The following SEC16A variants were observed in gnomAD, a reference collection of about 807,000 sequenced individuals.
SEC16A encodes the protein protein transport protein Sec16A.
A neutral mutation model predicts 221.9 loss-of-function variants in SEC16A; 110 were observed. That is an observed-to-expected ratio of 0.50 (90% CI 0.42 to 0.58). SEC16A has a LOEUF of 0.58. Among genes scored for constraint, SEC16A ranks in the 20% least tolerant of loss-of-function variants. The pLI is 0.00. For synonymous variants in SEC16A, 1,393 were observed against 1,257.7 expected (o/e 1.11, Z -2.28); for missense variants, 3,165 against 3,097.8 (o/e 1.02, Z -0.52).
At position 136,466,839 on chromosome 9, in the gene SEC16A, G is replaced by T; in HGVS notation, c.3929+118C>A. 7 of 1,272,406 alleles carry T rather than the reference G, an allele frequency of 5.5e-6. No homozygotes were observed. Among genetic ancestry groups the T allele is most frequent in the Non-Finnish European group, 7.5e-6 (7 of 936,882 alleles). 78.8% of individuals were successfully genotyped at this position (1,272,406 alleles called of 1,614,324 possible). ...CTTTCAGACAGGGACCAAAACATCA[G>T]GCAGATGCTCACCCAAACTACCACA... On this transcript the variant is annotated intron_variant, in intron 6 of 31. Coordinates refer to ENST00000684901, the MANE Select transcript of SEC16A (RefSeq NM_014866.2). The surrounding 1 kb of genome is among the most constrained non-coding windows in gnomAD (Gnocchi z 5.5).
chr9:136,453,385 A>T (rs1416506756), intron 22 of SEC16A, 43 bp downstream of exon 22: 1 of 1,490,416 alleles, frequency 6.7e-7, no homozygotes, highest in East Asian at 2.3e-5. Context: ...CACTCGATGA[A>T]CTTTATGGAA....
chr9:136,462,935 C>A lies in SEC16A; in HGVS notation c.4845G>T (p.Glu1615Asp), dbSNP rs373379592. 7 of 1,604,532 alleles carry A rather than the reference C, an allele frequency of 4.4e-6. No homozygotes were observed. The highest frequency in any genetic ancestry group is 2.7e-5 in the African/African-American group (2 of 74,952). ...GGPAAAASSL[E>D]RETERFRELL... is the part of the protein sequence containing the mutation. ...GCTCCCTGAACCTCTCGGTCTCTCT[C>A]TCGAGCGAGCTGGCGGCAGCCGCCG... Residue 1615 changes from glutamate (E) to aspartate (D), a missense_variant, in exon 12 of 32, where the codon GAG (glutamate) becomes GAT (aspartate). Glu to Asp is a conservative substitution (Grantham distance 45). Around this residue, in one of 3 missense-constraint regions of SEC16A, gnomAD observed 1,088 missense variants for 1,089.6 expected, o/e 1.00. Coordinates refer to ENST00000684901, the MANE Select transcript of SEC16A (RefSeq NM_014866.2).
At chr9:136,443,026 C>A (rs1317717785) in intron 31 of SEC16A, among the ~76,000 whole-genome samples, 1 of 152,256 alleles carries the variant, frequency 6.6e-6, no homozygotes, top group African/African-American at 2.4e-5. Flanking sequence ...GGGGGACCCA[C>A]TCCGGGGAGA....
chr9:136,467,854 C>T (rs556805652), intron 5 of SEC16A, among the ~76,000 whole-genome samples: 1 of 152,300 alleles, frequency 6.6e-6, no homozygotes, highest in East Asian at 1.9e-4. Context: ...CAGGAGTGAC[C>T]GGAGGAGGCT....
At chr9:136,484,646 G>A (rs1382764801), upstream of SEC16A, 10 of 1,365,574 alleles carry the variant, frequency 7.3e-6, no homozygotes, top group Non-Finnish European at 9.8e-6. Context: ...GCCGGCGGCT[G>A]GTGAGGGAGG....
chr9:136,475,986 C>T lies in SEC16A; in HGVS notation c.1630G>A (p.Gly544Ser). 6.2e-7 allele frequency: 1 copy of T among 1,613,474 alleles called. No individual in the cohort carries two copies. The highest frequency in any genetic ancestry group is 1.1e-5 in the South Asian group (1 of 91,082). Residue 544 changes from glycine to serine, a missense_variant, in exon 3 of 32, where the codon GGC becomes AGC. Coordinates refer to ENST00000684901, the MANE Select transcript of SEC16A (RefSeq NM_014866.2). The surrounding 1 kb of genome is among the most constrained non-coding windows in gnomAD (Gnocchi z 5.0). ...SGSARPQELV[G>S]TFIQQEVGKP... is the part of the protein sequence containing the mutation. ...CCAACTTCTTGCTGAATGAATGTGC[C>T]AACCAGCTCCTGGGGCCTGGCTGAG...
chr9:136,462,874 T>A lies in SEC16A; in HGVS notation c.4893+13A>T, dbSNP rs779776776. ...CATGTGCAGGCGCCAGGTGCCATGA[T>A]GAGGAGGCGCACCTTCTTACGGCCA... is the stretch of plus-strand genomic sequence containing the variant. On this transcript the variant is annotated intron_variant, in intron 12 of 31. Transcript: ENST00000684901. The A allele has an allele frequency of 1.3e-6, 2 of 1,597,730 alleles. No homozygotes were observed. Among genetic ancestry groups the A allele is most frequent in the Non-Finnish European group, 1.7e-6 (2 of 1,178,346 alleles).
In SEC16A at chr9:136,454,023, A is replaced by G. The variant is rs1196387536; in HGVS notation, c.6076+86T>C. 3.9e-6 allele frequency: 5 copies of G among 1,267,924 alleles called. No individual in the cohort carries two copies. In the South Asian group the frequency reaches 5.1e-5, roughly 13 times the overall value. The allele number at this position is 1,267,924 out of a possible 1,614,324, so 78.5% of individuals were successfully genotyped here. On this transcript the variant is annotated intron_variant, in intron 21 of 31. Coordinates refer to ENST00000684901, the MANE Select transcript of SEC16A (RefSeq NM_014866.2). ...AGTAATGTAAGTTGTTTCAAGCTCA[A>G]ATAACTTCAATCTCTTCCACCAATC...
intron 20 of SEC16A, among the ~76,000 whole-genome samples, chr9:136,455,038 G>C (rs1332139853): frequency 4.6e-5 from 7 of 152,208 alleles, no homozygotes; most frequent in Non-Finnish European, 1.0e-4. Context: ...AGGTGAGATG[G>C]AGAGTCTGGA....
intron 1 of SEC16A, among the ~76,000 whole-genome samples, chr9:136,482,539 T>C (rs1242336910): frequency 6.6e-6 from 1 of 152,228 alleles, no homozygotes; most frequent in Non-Finnish European, 1.5e-5. Context: ...GCTCTTTGGT[T>C]CAAATGTAAA....
At chr9:136,455,293 G>A (rs912977766) in intron 20 of SEC16A, among the ~76,000 whole-genome samples, 1 of 152,200 alleles carries the variant, frequency 6.6e-6, no homozygotes, top group Admixed American at 6.5e-5. Flanking sequence ...CGGTGCGGCT[G>A]AGGCTCCCGG....
intron 12 of SEC16A, 70 bp downstream of exon 12, chr9:136,462,817 C>G (rs1839671836): frequency 1.2e-5 from 19 of 1,546,470 alleles, no homozygotes; most frequent in Non-Finnish European, 1.7e-5. Context: ...TCCCTGAAGG[C>G]TGCAACCCCG....
intron 21 of SEC16A, 41 bp from the exon 22 acceptor site, chr9:136,453,551 G>A (rs1838172520): frequency 1.3e-6 from 2 of 1,534,676 alleles, no homozygotes; most frequent in Middle Eastern, 3.4e-4. Context: ...TCAGTCACGA[G>A]AAGGCGGGAC....
Position 136,457,478 on chromosome 9 carries a change from A to T in SEC16A, c.5516T>A (p.Leu1839Gln), listed in dbSNP as rs772756686. ...IAKSILTQPHLYSPVLISQLV... is the reference protein window; with the variant it reads ...IAKSILTQPHQYSPVLISQLV... ...CTGGCTGATCAACACCGGGGAATAC[A>T]GGTGCGGCTGCGTCAGGATGCTCTT... is the stretch of plus-strand genomic sequence containing the variant. The change falls in exon 18 of 32, where the codon CTG becomes CAG. Residue 1839 changes from leucine to glutamine, a missense_variant. Around this residue, in one of 3 missense-constraint regions of SEC16A, gnomAD observed 1,088 missense variants for 1,089.6 expected, o/e 1.00. Coordinates refer to ENST00000684901, the MANE Select transcript of SEC16A (RefSeq NM_014866.2). The T allele has an allele frequency of 1.9e-6, 3 of 1,607,838 alleles. No homozygotes were observed. Among genetic ancestry groups the T allele is most frequent in the Non-Finnish European group, 2.5e-6 (3 of 1,177,106 alleles).
In SEC16A at chr9:136,443,812, G is replaced by C; in HGVS notation, c.7005+11C>G. The C allele has an allele frequency of 6.2e-7, 1 of 1,608,382 alleles. No homozygotes were observed. The highest frequency in any genetic ancestry group is 8.5e-7 in the Non-Finnish European group (1 of 1,176,554). The stretch of plus-strand genomic sequence containing the variant: ...GTTAGGGTCTCGTAGGGAAAGGTAG[G>C]AGTCACTCACCTGTGCCAGCTGAGC... On this transcript the variant is annotated intron_variant, in intron 31 of 31. Transcript: ENST00000684901.
chr9:136,460,112 C>T lies in SEC16A; in HGVS notation c.5003G>A (p.Ser1668Asn). 1 of 1,606,008 alleles carries T rather than the reference C, an allele frequency of 6.2e-7. No homozygotes were observed. ...HARVMTRFAN[S>N]LPINDPLQTV... The stretch of plus-strand genomic sequence containing the variant: ...CTGCAGAGGGTCGTTGATTGGGAGG[C>T]TGTTAGCAAACCTAGGCAGACATAA... The change falls in exon 14 of 32, where the codon AGC (serine) becomes AAC (asparagine). Residue 1668 changes from serine (S) to asparagine (N), a missense_variant. Physicochemically the swap from Ser to Asn is conservative, Grantham distance 46. Coordinates refer to ENST00000684901, the MANE Select transcript of SEC16A (RefSeq NM_014866.2).
rs1840910479 is a variant in SEC16A, at chr9:136,471,837, G to A, written c.3704+138C>T. 4.8e-6 allele frequency: 5 copies of A among 1,046,708 alleles called. No homozygotes were observed. The East Asian group carries it at 7.3e-5, about 15-fold the overall frequency. 64.8% of individuals were successfully genotyped at this position (1,046,708 alleles called of 1,614,324 possible). ...TACAATTTGTCCATACCAAGAAAAT[G>A]TCAACATATGTTAGATAAGTTTGTA... On this transcript the variant is annotated intron_variant, in intron 4 of 31. Coordinates refer to ENST00000684901, the MANE Select transcript of SEC16A (RefSeq NM_014866.2).
chr9:136,445,944 T>C (rs1214274665), intron 28 of SEC16A, among the ~76,000 whole-genome samples: 2 of 152,180 alleles, frequency 1.3e-5, no homozygotes, highest in African/African-American at 2.4e-5. Flanking sequence ...TGTGTGCCCA[T>C]GACAGGCTTG....
intron 31 of SEC16A, among the ~76,000 whole-genome samples, chr9:136,442,245 G>A (rs1456835588): frequency 2.0e-5 from 3 of 152,234 alleles, no homozygotes; most frequent in Non-Finnish European, 1.5e-5. Flanking sequence ...AAGCCTCATG[G>A]AGGGGAAAGC....
Sources: allele counts gnomAD v4.1 joint callset (sites outside exome capture counted in the v4.1 genomes callset), GRCh38; gene constraint gnomAD v4.1.1; regional missense constraint gnomAD v4.1.1; non-coding constraint Gnocchi (gnomAD v3.1); transcripts MANE v1.5; gene names NCBI Gene and HGNC (gene_info 2026-07-23, HGNC 2026-07-21).